CDK15: variants seen among roughly 807,000 people sequenced by gnomAD.
The protein encoded by CDK15 is cyclin dependent kinase 15.
Under a neutral mutation model 60.3 loss-of-function variants are expected in CDK15, and 62 were observed. The observed-to-expected ratio is 1.03, with a 90% confidence interval of 0.84 to 1.27. The LOEUF is 1.27. Among genes scored for constraint, CDK15 ranks in the 50% most tolerant of loss-of-function variants. CDK15 has a pLI of 0.00. For missense variants in CDK15, 541 were observed against 527.8 expected (o/e 1.03, Z -0.25); for synonymous variants, 194 against 195.7 (o/e 0.99, Z 0.07).
At chr2:201,856,059 C>G (rs1296064912) in intron 10 of CDK15, among the ~76,000 whole-genome samples, 1 of 152,058 alleles carries the variant, frequency 6.6e-6, no homozygotes, top group Non-Finnish European at 1.5e-5. Context: ...AACTCCTGAC[C>G]TCAGGTGATC....
At position 201,875,752 on chromosome 2, in the gene CDK15, T is replaced by A. The variant is rs368062101; in HGVS notation, c.1058+3426T>A. Among the ~76,000 whole-genome samples, 24 of 152,314 alleles carry A rather than the reference T, an allele frequency of 1.6e-4. 1 individual carries two copies. In the South Asian group the frequency reaches 4.6e-3, roughly 29 times the overall value. ...TTTTTTGTAAAACAAAAACTATACC[T>A]GTCTAAAAGCAAAGGACTGAAGAAA... On this transcript the variant is annotated intron_variant, in intron 11 of 13. Coordinates refer to ENST00000652192, the MANE Select transcript of CDK15 (RefSeq NM_001366386.2).
intron 8 of CDK15, among the ~76,000 whole-genome samples, chr2:201,836,917 G>C (rs1418055870): frequency 6.6e-6 from 1 of 151,714 alleles, no homozygotes; most frequent in Non-Finnish European, 1.5e-5. Flanking sequence ...TATCCTCTCT[G>C]TGTCTATGTT....
intron 4 of CDK15, among the ~76,000 whole-genome samples, chr2:201,816,254 G>A (rs547003186): frequency 2.6e-5 from 4 of 151,932 alleles, no homozygotes; most frequent in South Asian, 2.1e-4. Flanking sequence ...TTTTCAACCC[G>A]TGTCCCTCTC....
intron 10 of CDK15, among the ~76,000 whole-genome samples, chr2:201,859,233 G>C (rs887795251): frequency 6.6e-6 from 1 of 152,326 alleles, no homozygotes; most frequent in Non-Finnish European, 1.5e-5. Flanking sequence ...AGCTAGAATG[G>C]ACAGGAGTTG....
In CDK15 at chr2:201,806,749, C is replaced by G. The variant is rs775901921; in HGVS notation, c.85C>G (p.Arg29Gly). The G allele has an allele frequency of 9.4e-6, 15 of 1,598,290 alleles. No individual in the cohort carries two copies. Among genetic ancestry groups the G allele is most frequent in the Non-Finnish European group, 1.2e-5 (14 of 1,179,706 alleles). ...AGAGGGAGGCGAGGCACACAGCTGT[C>G]GGAGGAGTCAGCCTGAGACCACGGA... ...CSEGGEAHSC[R>G]RSQPETTEAA... is the part of the protein sequence containing the mutation. Residue 29 changes from arginine to glycine, a missense_variant, in exon 1 of 14, where the codon CGG becomes GGG. Transcript: ENST00000652192.
intron 6 of CDK15, among the ~76,000 whole-genome samples, chr2:201,827,226 G>A (rs751355955): frequency 1.3e-5 from 2 of 152,134 alleles, no homozygotes; most frequent in South Asian, 2.1e-4. Flanking sequence ...CAAGAAGATC[G>A]CTTGAACCCA....
intron 8 of CDK15, among the ~76,000 whole-genome samples, chr2:201,839,574 C>T (rs1346119825): frequency 6.6e-6 from 1 of 152,082 alleles, no homozygotes; most frequent in South Asian, 2.1e-4. Context: ...TAAGAGGATA[C>T]TTTGGTTCTC....
At chr2:201,821,511 A>T (rs1574856625) in intron 4 of CDK15, among the ~76,000 whole-genome samples, 1 of 152,122 alleles carries the variant, frequency 6.6e-6, no homozygotes, top group East Asian at 1.9e-4. Context: ...GTTGTTTTTA[A>T]TCTTATGGAA....
At chr2:201,839,544 A>G (rs942871288) in intron 8 of CDK15, among the ~76,000 whole-genome samples, 2 of 152,134 alleles carry the variant, frequency 1.3e-5, no homozygotes, top group Non-Finnish European at 2.9e-5. Context: ...CCTGATTTTG[A>G]TAATTGCACT....
chr2:201,850,936 A>G (rs904867071), intron 9 of CDK15, among the ~76,000 whole-genome samples: 2 of 152,122 alleles, frequency 1.3e-5, no homozygotes, highest in African/African-American at 4.8e-5. Flanking sequence ...AGAAATGTGT[A>G]TTGAGGTTCT....
At chr2:201,821,341 G>A (rs1427535639) in intron 4 of CDK15, among the ~76,000 whole-genome samples, 1 of 152,002 alleles carries the variant, frequency 6.6e-6, no homozygotes. Flanking sequence ...CACCAGATGA[G>A]CATGGTCTGA....
chr2:201,888,466 G>A lies in CDK15; in HGVS notation c.1199-2319G>A, dbSNP rs1351958281. 63 of 1,534,990 alleles carry A rather than the reference G, an allele frequency of 4.1e-5. 1 individual carries two copies. In the Admixed American group the frequency reaches 1.1e-3, roughly 27 times the overall value. On this transcript the variant is annotated intron_variant, in intron 12 of 13. Transcript: ENST00000652192. Reference sequence around the variant, plus strand: ...CATATTTATTTATTCTAAGAGTGAAGCAGCTGCGATAATTATGCTGTCAGC... The same window carrying A: ...CATATTTATTTATTCTAAGAGTGAAACAGCTGCGATAATTATGCTGTCAGC...
At chr2:201,874,688 G>A (rs768073893) in intron 11 of CDK15, among the ~76,000 whole-genome samples, 9 of 152,136 alleles carry the variant, frequency 5.9e-5, no homozygotes, top group South Asian at 4.2e-4. Flanking sequence ...ATGAATCCCC[G>A]GGGCTTGCTT....
chr2:201,852,685 G>A (rs1294697312), intron 9 of CDK15, among the ~76,000 whole-genome samples: 2 of 152,160 alleles, frequency 1.3e-5, no homozygotes, highest in Non-Finnish European at 2.9e-5. Context: ...AGCCTTCAGG[G>A]AGGGAGCAAA....
At chr2:201,829,424 A>G (rs1271834115) in intron 6 of CDK15, among the ~76,000 whole-genome samples, 2 of 152,228 alleles carry the variant, frequency 1.3e-5, no homozygotes, top group African/African-American at 4.8e-5. Context: ...ACTGACGGGA[A>G]AAACAAGAGT....
chr2:201,864,888 AT>A (rs1357354956), intron 10 of CDK15, among the ~76,000 whole-genome samples: 5 of 152,268 alleles, frequency 3.3e-5, no homozygotes, highest in African/African-American at 1.2e-4. Context: ...CAGAAGTCAC[AT>A]GCTTAAATCG....
chr2:201,839,970 T>TTTTTTTG (rs1553525395), intron 8 of CDK15, among the ~76,000 whole-genome samples: 28 of 150,780 alleles, frequency 1.9e-4, no homozygotes, highest in African/African-American at 5.9e-4. Flanking sequence ...CTGGGGTTTT[T>TTTTTTTG]TTTTTGTTTT....
In CDK15 at chr2:201,823,674, C is replaced by CT; in HGVS notation, c.554dup (p.Ala186GlyfsTer15). 6.2e-7 allele frequency: 1 copy of CT among 1,613,832 alleles called. No individual in the cohort carries two copies. Among genetic ancestry groups the CT allele is most frequent in the Non-Finnish European group, 8.5e-7 (1 of 1,179,840 alleles). On this transcript the variant is annotated frameshift_variant, in exon 6 of 14. Transcript: ENST00000652192. LOFTEE classifies it high-confidence loss of function. ...CCGCTGTTTTATTTAGCACACAGACCTGGCCCAGTATATGTCTCAGCATCC... is the reference window on the plus strand; with the variant it reads ...CCGCTGTTTTATTTAGCACACAGACCTTGGCCCAGTATATGTCTCAGCATCC...
At chr2:201,825,702 G>A (rs183518856) in intron 6 of CDK15, among the ~76,000 whole-genome samples, 1 of 152,318 alleles carries the variant, frequency 6.6e-6, no homozygotes, top group East Asian at 1.9e-4. Context: ...AATGTAGACA[G>A]TTGGATTGAG....
Sources: gnomAD v4.1 joint callset for allele counts (sites outside exome capture counted in the v4.1 genomes callset) on GRCh38, gnomAD v4.1.1 for gene constraint, MANE v1.5 for transcripts, NCBI Gene and HGNC (gene_info 2026-07-23, HGNC 2026-07-21) for gene names.